TEP1: variants seen among roughly 807,000 people sequenced by gnomAD.
The protein encoded by TEP1 is telomerase associated protein 1, also known as telomerase protein component 1.
TEP1 carries 241 observed loss-of-function variants against 306.3 expected under a neutral mutation model. The ratio of observed to expected loss-of-function variants is 0.79; its 90% CI spans 0.71 to 0.88. The LOEUF is 0.88. Among genes scored for constraint, TEP1 ranks in the 40% least tolerant of loss-of-function variants. The pLI is 0.00. For missense variants in TEP1, 3,051 were observed against 3,276.1 expected (o/e 0.93, Z 1.68); for synonymous variants, 1,289 against 1,305.5 (o/e 0.99, Z 0.27).
At position 20,373,348 on chromosome 14, in the gene TEP1, C is replaced by T. The variant is rs754974098; in HGVS notation, c.6736G>A (p.Val2246Ile). 6.2e-6 allele frequency: 10 copies of T among 1,614,200 alleles called. No homozygotes were observed. The highest frequency in any genetic ancestry group is 8.5e-6 in the Non-Finnish European group (10 of 1,180,034). ...AGCATGAGGCCTGAGGTTTCTGAAA[C>T]AGCAGCAGCACGGACTGGGCCGCTG... The part of the protein sequence containing the change: ...GHSGPVRAAA[V>I]SETSGLMLTA... Residue 2246 changes from valine (V) to isoleucine (I), a missense_variant, in exon 47 of 55, where the codon GTT (valine) becomes ATT (isoleucine). Transcript: ENST00000262715.
intron 7 of TEP1, among the ~76,000 whole-genome samples, chr14:20,402,166 G>A (rs1878811890): frequency 1.3e-5 from 2 of 151,998 alleles, no homozygotes; most frequent in Admixed American, 6.6e-5. Context: ...AAATTAGCTG[G>A]GCATGGTGGT....
intron 43 of TEP1, among the ~76,000 whole-genome samples, chr14:20,374,800 A>G (rs1164377186): frequency 2.6e-5 from 4 of 152,104 alleles, no homozygotes; most frequent in Admixed American, 6.5e-5. Flanking sequence ...GTCTACATAA[A>G]GGACTTAGGC....
chr14:20,382,427 A>G (rs1594338947), intron 28 of TEP1, 71 bp from the exon 29 acceptor site: 1 of 1,560,994 alleles, frequency 6.4e-7, no homozygotes, highest in East Asian at 2.3e-5. Context: ...GGGATAGGGA[A>G]GGGGCAGCAG....
intron 33 of TEP1, 146 bp downstream of exon 33, chr14:20,380,785 C>A: frequency 1.4e-6 from 1 of 730,436 alleles, no homozygotes; most frequent in Non-Finnish European, 2.3e-6. Context: ...ACGTGCTCAC[C>A]CTCTTGGCAT....
chr14:20,388,547 T>C (rs1877409284), intron 17 of TEP1, among the ~76,000 whole-genome samples: 1 of 152,250 alleles, frequency 6.6e-6, no homozygotes, highest in South Asian at 2.1e-4. Flanking sequence ...AAAAGATTTC[T>C]GTAATTTTAG....
chr14:20,380,658 A>G (rs1885479907), intron 33 of TEP1, among the ~76,000 whole-genome samples, 183 bp from the exon 34 acceptor site: 1 of 152,216 alleles, frequency 6.6e-6, no homozygotes. Context: ...GGAAACCAGA[A>G]TATGGAGACC....
chr14:20,388,200 TA>T (rs1877372755), intron 17 of TEP1, 137 bp from the exon 18 acceptor site: 1 of 861,698 alleles, frequency 1.2e-6, no homozygotes, highest in East Asian at 2.7e-5. Context: ...AAGAGGACCA[TA>T]AGCAGTTTAT....
At chr14:20,397,686 A>T (rs112093513) in intron 9 of TEP1, among the ~76,000 whole-genome samples, 7,672 of 152,252 alleles carry the variant, frequency 0.05, 196 homozygotes, top group South Asian at 0.076. Context: ...GAATTTCACC[A>T]CTGACCTCTG....
At position 20,366,357 on chromosome 14, in the gene TEP1, T is replaced by C. The variant is rs1884474438; in HGVS notation, c.*2080A>G. On this transcript the variant is annotated 3_prime_UTR_variant, in exon 55 of 55. Coordinates refer to ENST00000262715, the MANE Select transcript of TEP1 (RefSeq NM_007110.5). ...TTTAGGGGAGCAAAAGGCAAAAGAT[T>C]GAAATCAATGACTAGGATGATGCCA... 1 of 152,224 alleles carries C rather than the reference T, an allele frequency of 6.6e-6. No individual in the cohort carries two copies. Among genetic ancestry groups the C allele is most frequent in the African/African-American group, 2.4e-5 (1 of 41,456 alleles). The allele number at this position is 152,224 out of a possible 1,614,324, so 9.4% of individuals were successfully genotyped here. A position where few individuals can be genotyped will look rare whatever the true frequency, so the allele number is the denominator to read the frequency against.
At chr14:20,377,955 C>T (rs1025216894) in intron 39 of TEP1, 69 bp downstream of exon 39, 1 of 1,572,282 alleles carries the variant, frequency 6.4e-7, no homozygotes, top group African/African-American at 1.3e-5. Flanking sequence ...GGACCCCCAC[C>T]CCCACCAAGA....
chr14:20,377,109 G>C (rs909352279), intron 41 of TEP1, among the ~76,000 whole-genome samples, 171 bp downstream of exon 41: 5 of 152,120 alleles, frequency 3.3e-5, no homozygotes, highest in Admixed American at 6.5e-5. Flanking sequence ...CAGCTACTCG[G>C]GAGGCCGAGA....
rs766967770 is a variant in TEP1 at position 20,401,104 on chromosome 14, G to A, written c.1429C>T (p.Leu477Phe). The A allele has an allele frequency of 1.2e-6, 2 of 1,614,026 alleles. No individual in the cohort carries two copies. The highest frequency in any genetic ancestry group is 1.3e-5 in the African/African-American group (1 of 74,912). Residue 477 changes from leucine (L) to phenylalanine (F), a missense_variant, in exon 9 of 55, where the codon CTT (leucine) becomes TTT (phenylalanine). Leu to Phe is a conservative substitution (Grantham distance 22). Coordinates refer to ENST00000262715, the MANE Select transcript of TEP1 (RefSeq NM_007110.5). ...CTGCTAGAATCCCAAGGCCCAGGAA[G>A]GCGACTTCGAGAAAAGAGCTGTAGG... is the stretch of plus-strand genomic sequence containing the variant. ...SNLQLFSRSR[L>F]PGPWDSSRAG...
At chr14:20,374,362 C>T (rs757182106) in intron 44 of TEP1, 67 bp downstream of exon 44, 13 of 1,105,186 alleles carry the variant, frequency 1.2e-5, no homozygotes, top group Non-Finnish European at 1.6e-5. Context: ...ATACTCCATG[C>T]ACCGTCTCCC....
chr14:20,405,089 C>T (rs1879071734), intron 4 of TEP1, among the ~76,000 whole-genome samples: 1 of 152,188 alleles, frequency 6.6e-6, no homozygotes, highest in African/African-American at 2.4e-5. Flanking sequence ...TTGATTAAAC[C>T]TGCCATTTTC....
Position 20,372,761 on chromosome 14 carries a change from G to C in TEP1, c.7048C>G (p.Arg2350Gly). The C allele has an allele frequency of 1.9e-6, 3 of 1,614,002 alleles. No homozygotes were observed. Among genetic ancestry groups the C allele is most frequent in the Non-Finnish European group, 2.5e-6 (3 of 1,180,000 alleles). The change falls in exon 49 of 55, where the codon CGG (arginine) becomes GGG (glycine). Residue 2350 changes from arginine (R) to glycine (G), a missense_variant. Arg to Gly is a moderately radical substitution (Grantham distance 125, BLOSUM62 -2). Coordinates refer to ENST00000262715, the MANE Select transcript of TEP1 (RefSeq NM_007110.5). ...AAATTTCCGGGTGCCGAACCCTTCCGCAGTTTCACTTGCCACTCGCTGATT... is the reference window on the plus strand; with the variant it reads ...AAATTTCCGGGTGCCGAACCCTTCCCCAGTTTCACTTGCCACTCGCTGATT... ...EKISEWQVKL[R>G]KGSAPGNLSL...
rs1036974857 is a variant in TEP1, at chr14:20,410,509, G to A, written c.-24-2046C>T. On this transcript the variant is annotated intron_variant, in intron 1 of 54. Transcript: ENST00000262715. Reference sequence around the variant, plus strand: ...ACGATCTTGGCTCACTGCAACCTCCGCCTCCCAGGTTCAATCCATTCTCCT... The same window carrying A: ...ACGATCTTGGCTCACTGCAACCTCCACCTCCCAGGTTCAATCCATTCTCCT... 4.6e-5 allele frequency among the ~76,000 whole-genome samples: 7 copies of A among 151,540 alleles called. No homozygotes were observed. In the East Asian group the frequency reaches 5.8e-4, roughly 13 times the overall value.
chr14:20,371,451 T>C (rs1327123959), intron 50 of TEP1, 38 bp downstream of exon 50: 1 of 1,608,276 alleles, frequency 6.2e-7, no homozygotes, highest in Admixed American at 1.7e-5. Flanking sequence ...GGTTTCCTTT[T>C]TCCCCAGCTC....
intron 18 of TEP1, among the ~76,000 whole-genome samples, chr14:20,387,600 G>A (rs1877313210): frequency 1.3e-5 from 2 of 150,856 alleles, no homozygotes; most frequent in Admixed American, 1.3e-4. Context: ...ACTACTATTT[G>A]GCAAAGCCAC....
Position 20,403,731 on chromosome 14 carries a change from G to C in TEP1, c.1186C>G (p.Arg396Gly). 1 of 1,613,676 alleles carries C rather than the reference G, an allele frequency of 6.2e-7. No individual in the cohort carries two copies. The highest frequency in any genetic ancestry group is 1.1e-5 in the South Asian group (1 of 91,064). ...RAKRHPRRPP[R>G]SPGMEPPFSH... ...CTGGGGCAGTGACTGACTGGAGAGC[G>C]GGGTGGCCGGCGGGGGTGTCTCTTG... The change falls in exon 6 of 55, where the codon CGC becomes GGC. Residue 396 changes from arginine (R) to glycine (G), a missense_variant. Around this residue, in one of 3 missense-constraint regions of TEP1, gnomAD observed 1,507 missense variants for 1,550.5 expected, o/e 0.97. Coordinates refer to ENST00000262715, the MANE Select transcript of TEP1 (RefSeq NM_007110.5).
Sources: allele counts gnomAD v4.1 joint callset (sites outside exome capture counted in the v4.1 genomes callset), GRCh38; gene constraint gnomAD v4.1.1; regional missense constraint gnomAD v4.1.1; transcripts MANE v1.5; gene names NCBI Gene and HGNC (gene_info 2026-07-23, HGNC 2026-07-21).